RNMT: variants seen among roughly 807,000 people sequenced by gnomAD.
RNMT encodes the protein RNA guanine-7 methyltransferase.
In RNMT, 27 loss-of-function variants were observed where a neutral mutation model predicts 56.0. That is an observed-to-expected ratio of 0.48 (90% CI 0.36 to 0.67). The LOEUF (loss-of-function observed/expected upper bound fraction) is 0.67, where lower values mean the gene tolerates loss of function less well. Ranked by LOEUF, RNMT falls within the 30% of genes least tolerant of loss-of-function variation. The probability of loss-of-function intolerance (pLI) is 0.00; values close to 1 mark genes in which losing one functional copy is unlikely to be tolerated. For synonymous variants in RNMT, 184 were observed against 176.2 expected, an observed-to-expected ratio of 1.04 and a Z score of -0.35; for missense variants, 519 against 552.1, an observed-to-expected ratio of 0.94 and a Z score of 0.60.
chr18:13,755,601 G>T (rs140293085), intron 11 of RNMT, among the ~76,000 whole-genome samples: 1 of 152,322 alleles, frequency 6.6e-6, no homozygotes, highest in Admixed American at 6.5e-5. Flanking sequence ...GAGGAAAGGA[G>T]TCAAGCAAGA....
chr18:13,741,565 G>C lies in RNMT; in HGVS notation c.848G>C (p.Cys283Ser). ...DPQMCFDICS[C>S]QFVCHYSFES... ...CAAATGTGTTTTGACATCTGCAGTT[G>C]TCAGTTTGTCTGTCATTACTCATTT... is the stretch of plus-strand genomic sequence containing the variant. Residue 283 changes from cysteine (C) to serine (S), a missense_variant, in exon 7 of 12, where the codon TGT becomes TCT. Physicochemically the swap from Cys to Ser is moderately radical, Grantham distance 112. Transcript: ENST00000383314. 6.2e-7 allele frequency: 1 copy of C among 1,613,842 alleles called. No homozygotes were observed. The highest frequency in any genetic ancestry group is 8.5e-7 in the Non-Finnish European group (1 of 1,179,856).
chr18:13,757,265 T>C (rs888297827), intron 11 of RNMT, among the ~76,000 whole-genome samples: 3 of 152,046 alleles, frequency 2.0e-5, no homozygotes, highest in African/African-American at 4.8e-5. Context: ...TTGCCGAAGA[T>C]TGGTGTGGCT....
chr18:13,746,266 C>T lies in RNMT; in HGVS notation c.1186C>T (p.Leu396=), dbSNP rs1352501288. The change falls in exon 9 of 12, where the codon CTG becomes TTG. Residue 396 remains leucine, a synonymous_variant. Transcript: ENST00000383314. ...GAAACTAGTCTACAAAAAAACATTT[C>T]TGGAATTCTACGAAGAAAAGATTAA... ...NMKLVYKKTF[L]EFYEEKIKNN... is the part of the protein sequence containing the mutation. The T allele has an allele frequency of 1.3e-6, 2 of 1,575,270 alleles. No homozygotes were observed. Among genetic ancestry groups the T allele is most frequent in the Non-Finnish European group, 8.7e-7 (1 of 1,153,060 alleles).
In RNMT at chr18:13,762,122, T is replaced by TG. The variant is rs762823719; in HGVS notation, c.*2147dup. ...ACCTGTTGCTGCAAGCTCAGTGAAG[T>TG]GGGGCACTCCCAGACCTGCCATGCA... is the stretch of plus-strand genomic sequence containing the variant. On this transcript the variant is annotated 3_prime_UTR_variant, in exon 12 of 12. Transcript: ENST00000383314. The TG allele has an allele frequency of 1.4e-4, 209 of 1,535,906 alleles. No homozygotes were observed. The highest frequency in any genetic ancestry group is 5.0e-4 in the Middle Eastern group (3 of 5,986).
Position 13,764,088 on chromosome 18 carries a change from A to T in RNMT, c.*4109A>T, listed in dbSNP as rs990322371. 2 of 152,148 alleles carry T rather than the reference A, an allele frequency of 1.3e-5. No individual in the cohort carries two copies. Among genetic ancestry groups the T allele is most frequent in the Non-Finnish European group, 2.9e-5 (2 of 68,030 alleles). 9.4% of individuals were successfully genotyped at this position (152,148 alleles called of 1,614,324 possible). A position where few individuals can be genotyped will look rare whatever the true frequency, so the allele number is the denominator to read the frequency against. ...TGGCAGGGAGAGGGATTCTCTTCCC[A>T]CCCTCACCATTTGCAAGTGGCAGGA... On this transcript the variant is annotated 3_prime_UTR_variant, in exon 12 of 12. Coordinates refer to ENST00000383314, the MANE Select transcript of RNMT (RefSeq NM_003799.3).
At chr18:13,747,995 T>C (rs746804905) in intron 9 of RNMT, among the ~76,000 whole-genome samples, 1 of 152,222 alleles carries the variant, frequency 6.6e-6, no homozygotes, top group Non-Finnish European at 1.5e-5. Context: ...ACTTGTGTAA[T>C]GTATGTCAAA....
intron 1 of RNMT, among the ~76,000 whole-genome samples, chr18:13,727,655 C>T (rs551539571): frequency 1.3e-5 from 2 of 152,312 alleles, no homozygotes; most frequent in South Asian, 2.1e-4. Context: ...TTATTGTTAA[C>T]TGTGTCCACC....
intron 4 of RNMT, 53 bp from the exon 5 acceptor site, chr18:13,736,957 T>C (rs540165666): frequency 6.5e-7 from 1 of 1,539,500 alleles, no homozygotes; most frequent in African/African-American, 1.4e-5. Flanking sequence ...CAGTTTATAC[T>C]TCAGTAAAAT....
At chr18:13,733,826 G>C (rs2044114612) in intron 3 of RNMT, among the ~76,000 whole-genome samples, 1 of 152,202 alleles carries the variant, frequency 6.6e-6, no homozygotes, top group Admixed American at 6.5e-5. Flanking sequence ...AACTCTGGAA[G>C]AGTACTGGGT....
At chr18:13,758,878 A>G (rs765974776) in intron 11 of RNMT, among the ~76,000 whole-genome samples, 1 of 152,100 alleles carries the variant, frequency 6.6e-6, no homozygotes, top group South Asian at 2.1e-4. Context: ...TGTGGAGACC[A>G]TTGTAGGATT....
chr18:13,754,247 C>A, intron 11 of RNMT, 100 bp downstream of exon 11: 1 of 696,682 alleles, frequency 1.4e-6, no homozygotes, highest in Non-Finnish European at 2.4e-6. Flanking sequence ...TGGCTCACAC[C>A]AGTACTCTCA....
At chr18:13,732,727 A>G (rs2149083294) in intron 3 of RNMT, among the ~76,000 whole-genome samples, 1 of 145,286 alleles carries the variant, frequency 6.9e-6, no homozygotes, top group African/African-American at 2.5e-5. Flanking sequence ...TTCTTGTAAC[A>G]GAGGGGAGCC....
chr18:13,754,037 GC>G, intron 10 of RNMT, 76 bp from the exon 11 acceptor site: 1 of 780,226 alleles, frequency 1.3e-6, no homozygotes, highest in Non-Finnish European at 2.2e-6. Context: ...GGCCATCTCT[GC>G]CCATTATTTA....
At chr18:13,734,926 A>G (rs756602164) in intron 4 of RNMT, among the ~76,000 whole-genome samples, 1 of 152,168 alleles carries the variant, frequency 6.6e-6, no homozygotes, top group Non-Finnish European at 1.5e-5. Context: ...CAGTGTCTTG[A>G]TTTGTTTAGG....
chr18:13,761,346 A>G lies in RNMT; in HGVS notation c.*1367A>G. 1.0e-6 allele frequency: 1 copy of G among 985,398 alleles called. No individual in the cohort carries two copies. The highest frequency in any genetic ancestry group is 1.2e-6 in the Non-Finnish European group (1 of 829,916). The allele number at this position is 985,398 out of a possible 1,614,324, so 61.0% of individuals were successfully genotyped here. A position where few individuals can be genotyped will look rare whatever the true frequency, so the allele number is the denominator to read the frequency against. ...GACTCTGGTGGCTGTATTAGCTAGG[A>G]AAGGTTTGTAAATGGTGTCAGTGAG... On this transcript the variant is annotated 3_prime_UTR_variant, in exon 12 of 12. Transcript: ENST00000383314.
chr18:13,746,992 T>G (rs1415407373), intron 9 of RNMT, among the ~76,000 whole-genome samples: 1 of 152,174 alleles, frequency 6.6e-6, no homozygotes, highest in African/African-American at 2.4e-5. Flanking sequence ...CAGCCATTGA[T>G]TGTTTTTCCT....
chr18:13,760,155 G>C lies in RNMT; in HGVS notation c.*176G>C. The C allele has an allele frequency of 7.5e-7, 1 of 1,336,516 alleles. No individual in the cohort carries two copies. The highest frequency in any genetic ancestry group is 9.6e-7 in the Non-Finnish European group (1 of 1,044,298). The allele number at this position is 1,336,516 out of a possible 1,614,324, so 82.8% of individuals were successfully genotyped here. A position where few individuals can be genotyped will look rare whatever the true frequency, so the allele number is the denominator to read the frequency against. ...TGCTGTCTGTGACAGATGAACTTTTGCATGTGTATATAAGAATGAGTTGGG... is the reference window on the plus strand; with the variant it reads ...TGCTGTCTGTGACAGATGAACTTTTCCATGTGTATATAAGAATGAGTTGGG... On this transcript the variant is annotated 3_prime_UTR_variant, in exon 12 of 12. Coordinates refer to ENST00000383314, the MANE Select transcript of RNMT (RefSeq NM_003799.3).
chr18:13,737,011 A>G lies in RNMT; in HGVS notation c.555A>G (p.Gly185=). 1 of 1,612,326 alleles carries G rather than the reference A, an allele frequency of 6.2e-7. No homozygotes were observed. The highest frequency in any genetic ancestry group is 8.5e-7 in the Non-Finnish European group (1 of 1,179,190). Residue 185 remains glycine, a splice_region_variant and synonymous_variant, in exon 5 of 12, where the codon GGA becomes GGG. Transcript: ENST00000383314. ...TTGTGACTGATTTCTCTCTTTTAGG[A>G]GAATTTTTGGAAAAGGTACGACAGA... ...FNNWMKSVLI[G]EFLEKVRQKK...
At position 13,761,457 on chromosome 18, in the gene RNMT, G is replaced by A; in HGVS notation, c.*1478G>A. ...AGGAAGTATATTGATAGCTTTGTAGGTACAGGAAAAACATCATCATTATTT... is the reference window on the plus strand; with the variant it reads ...AGGAAGTATATTGATAGCTTTGTAGATACAGGAAAAACATCATCATTATTT... On this transcript the variant is annotated 3_prime_UTR_variant, in exon 12 of 12. Coordinates refer to ENST00000383314, the MANE Select transcript of RNMT (RefSeq NM_003799.3). The A allele has an allele frequency of 3.0e-6, 3 of 986,114 alleles. No individual in the cohort carries two copies. The highest frequency in any genetic ancestry group is 3.6e-6 in the Non-Finnish European group (3 of 830,434). The allele number at this position is 986,114 out of a possible 1,614,324, so 61.1% of individuals were successfully genotyped here.
Sources: allele counts gnomAD v4.1 joint callset (sites outside exome capture counted in the v4.1 genomes callset), GRCh38; gene constraint gnomAD v4.1.1; transcripts MANE v1.5; gene names NCBI Gene and HGNC (gene_info 2026-07-23, HGNC 2026-07-21).